CTTNBP2NL: variants seen among roughly 807,000 people sequenced by gnomAD.
The protein encoded by CTTNBP2NL is CTTNBP2 N-terminal-like protein.
CTTNBP2NL carries 16 observed loss-of-function variants against 32.5 expected under a neutral mutation model. That is an observed-to-expected ratio of 0.49 (90% CI 0.33 to 0.75). CTTNBP2NL has a LOEUF of 0.75. Among genes scored for constraint, CTTNBP2NL ranks in the 30% least tolerant of loss-of-function variants. CTTNBP2NL has a pLI of 0.02. For missense variants in CTTNBP2NL, 645 were observed against 756.0 expected, an observed-to-expected ratio of 0.85 and a Z score of 1.72; for synonymous variants, 298 against 289.4, an observed-to-expected ratio of 1.03 and a Z score of -0.30.
intron 5 of CTTNBP2NL, among the ~76,000 whole-genome samples, chr1:112,455,391 T>A (rs1490092484): frequency 6.6e-6 from 1 of 152,084 alleles, no homozygotes; most frequent in Non-Finnish European, 1.5e-5. Context: ...TGATCCCAGC[T>A]ACCCGGGAGG....
intron 1 of CTTNBP2NL, among the ~76,000 whole-genome samples, chr1:112,401,271 G>A (rs1236717682): frequency 3.3e-5 from 5 of 152,282 alleles, no homozygotes; most frequent in Non-Finnish European, 7.3e-5. Context: ...ATGATCTCAA[G>A]CATCTGAGCC....
intron 3 of CTTNBP2NL, among the ~76,000 whole-genome samples, chr1:112,442,645 C>T (rs530371208): frequency 6.6e-6 from 1 of 151,904 alleles, no homozygotes; most frequent in Non-Finnish European, 1.5e-5. Context: ...TTTCACAGGA[C>T]TCTGGAATTT....
At chr1:112,442,618 TCA>T (rs1457059755) in intron 3 of CTTNBP2NL, among the ~76,000 whole-genome samples, 7 of 151,830 alleles carry the variant, frequency 4.6e-5, no homozygotes, top group Non-Finnish European at 1.0e-4. Flanking sequence ...ACATTTGATT[TCA>T]GTTTCATTAG....
chr1:112,422,735 A>G (rs1649268435), intron 3 of CTTNBP2NL, among the ~76,000 whole-genome samples: 1 of 152,214 alleles, frequency 6.6e-6, no homozygotes. Flanking sequence ...GATGTTAAGT[A>G]TCATTTCATG....
chr1:112,421,152 A>G (rs780112749), intron 3 of CTTNBP2NL, among the ~76,000 whole-genome samples: 5 of 151,970 alleles, frequency 3.3e-5, no homozygotes, highest in African/African-American at 9.7e-5. Context: ...AGAAATACTA[A>G]TAAGGCCAGG....
At chr1:112,404,076 T>TA (rs1278641436) in intron 1 of CTTNBP2NL, among the ~76,000 whole-genome samples, 4 of 152,200 alleles carry the variant, frequency 2.6e-5, no homozygotes, top group Non-Finnish European at 4.4e-5. Context: ...ATTTTATAGC[T>TA]AAAAAACTGA....
Position 112,456,082 on chromosome 1 carries a change from G to A in CTTNBP2NL, c.590G>A (p.Gly197Glu), listed in dbSNP as rs1570748471. The A allele has an allele frequency of 3.1e-6, 5 of 1,614,200 alleles. No individual in the cohort carries two copies. Among genetic ancestry groups the A allele is most frequent in the Non-Finnish European group, 8.5e-7 (1 of 1,180,028 alleles). ...GCCACCAACAAGGCAGCCGAGGAAG[G>A]ACAGAAGGCAGGAGAGCTGAGCCTG... ...KKATNKAAEE[G>E]QKAGELSLKL... The change falls in exon 6 of 6, where the codon GGA becomes GAA. Residue 197 changes from glycine (G) to glutamate (E), a missense_variant. Gly to Glu is a moderately conservative substitution (Grantham distance 98). Coordinates refer to ENST00000271277, the MANE Select transcript of CTTNBP2NL (RefSeq NM_018704.3).
chr1:112,396,820 C>G (rs1161786641), intron 1 of CTTNBP2NL, among the ~76,000 whole-genome samples: 4 of 152,234 alleles, frequency 2.6e-5, no homozygotes, highest in Admixed American at 6.5e-5. Context: ...TTCCCATCCC[C>G]CATTCTCTGA....
intron 3 of CTTNBP2NL, among the ~76,000 whole-genome samples, chr1:112,448,248 AAG>A (rs1650113362): frequency 6.6e-6 from 1 of 152,208 alleles, no homozygotes; most frequent in African/African-American, 2.4e-5. Flanking sequence ...CAGCAGGTGG[AAG>A]AGGTTTTGTC....
intron 1 of CTTNBP2NL, among the ~76,000 whole-genome samples, chr1:112,398,658 C>T (rs1648399883): frequency 1.3e-5 from 2 of 151,724 alleles, no homozygotes; most frequent in Non-Finnish European, 2.9e-5. Context: ...AAAGAAATAT[C>T]TGTGAGGCAG....
intron 3 of CTTNBP2NL, 156 bp downstream of exon 3, chr1:112,416,420 A>G (rs199574481): frequency 3.7e-6 from 2 of 536,694 alleles, no homozygotes; most frequent in Non-Finnish European, 6.5e-6. Flanking sequence ...ATTGTGTGTT[A>G]TTAGGGACAC....
intron 3 of CTTNBP2NL, among the ~76,000 whole-genome samples, chr1:112,427,483 T>A (rs755672102): frequency 6.6e-6 from 1 of 152,340 alleles, no homozygotes; most frequent in Non-Finnish European, 1.5e-5. Flanking sequence ...GTGGCTGTAG[T>A]TGACATGATT....
At position 112,412,194 on chromosome 1, in the gene CTTNBP2NL, C is replaced by A. The variant is rs188092668; in HGVS notation, c.-133C>A. Reference sequence around the variant, plus strand: ...CAATAAATTTCTCCTTATTTTGCAGCATTGGACACATTTCCACCATGCTAA... The same window carrying A: ...CAATAAATTTCTCCTTATTTTGCAGAATTGGACACATTTCCACCATGCTAA... On this transcript the variant is annotated splice_region_variant and 5_prime_UTR_variant, in exon 2 of 6. Transcript: ENST00000271277. 6.6e-6 allele frequency: 1 copy of A among 152,310 alleles called. No homozygotes were observed. The highest frequency in any genetic ancestry group is 1.9e-4 in the East Asian group (1 of 5,188). 9.4% of individuals were successfully genotyped at this position (152,310 alleles called of 1,614,324 possible).
chr1:112,411,984 C>T (rs900511649), intron 1 of CTTNBP2NL, among the ~76,000 whole-genome samples: 2 of 152,168 alleles, frequency 1.3e-5, no homozygotes, highest in Non-Finnish European at 2.9e-5. Context: ...TCTACCTTCC[C>T]TTATTTTAGT....
At chr1:112,453,129 G>A (rs567687639) in intron 4 of CTTNBP2NL, among the ~76,000 whole-genome samples, 80 of 151,734 alleles carry the variant, frequency 5.3e-4, no homozygotes, top group South Asian at 1.5e-3. Flanking sequence ...AGGAAGGAAG[G>A]GGGTGGGGGA....
At chr1:112,391,591 A>AT (rs1392907003), upstream of CTTNBP2NL, among the ~76,000 whole-genome samples, 1 of 152,074 alleles carries the variant, frequency 6.6e-6, no homozygotes, top group Non-Finnish European at 1.5e-5. Flanking sequence ...CTATTATCTC[A>AT]TTTAACAAAT....
upstream of CTTNBP2NL, among the ~76,000 whole-genome samples, chr1:112,392,012 A>ATAAATAAATAAG (rs1437642581): frequency 6.6e-6 from 1 of 152,062 alleles, no homozygotes; most frequent in African/African-American, 2.4e-5. Context: ...AAATAAATAA[A>ATAAATAAATAAG]TAAATAAAAT....
chr1:112,457,205 C>T lies in CTTNBP2NL; in HGVS notation c.1713C>T (p.Ile571=). The change falls in exon 6 of 6, where the codon ATC becomes ATT. Residue 571 remains isoleucine, a synonymous_variant. Transcript: ENST00000271277. ...PLSPGIKSPT[I]PRAERGNPPP... is the part of the protein sequence containing the mutation. ...CTCCAGGAATCAAGTCCCCAACCAT[C>T]CCCAGAGCTGAGAGAGGAAACCCTC... is the stretch of plus-strand genomic sequence containing the variant. The T allele has an allele frequency of 3.1e-6, 5 of 1,614,154 alleles. No homozygotes were observed. Among genetic ancestry groups the T allele is most frequent in the Non-Finnish European group, 4.2e-6 (5 of 1,180,020 alleles).
upstream of CTTNBP2NL, among the ~76,000 whole-genome samples, chr1:112,393,005 C>T (rs1648222473): frequency 2.6e-5 from 4 of 152,020 alleles, no homozygotes; most frequent in Admixed American, 2.6e-4. Flanking sequence ...TTACAGGCAC[C>T]CGCCACCATG....
Sources: gnomAD v4.1 joint callset for allele counts (sites outside exome capture counted in the v4.1 genomes callset) on GRCh38, gnomAD v4.1.1 for gene constraint, MANE v1.5 for transcripts, NCBI Gene and HGNC (gene_info 2026-07-23, HGNC 2026-07-21) for gene names.